TSPAN2: variants seen among roughly 807,000 people sequenced by gnomAD.
TSPAN2 encodes the protein tetraspanin 2, also known as tetraspanin-2.
In TSPAN2, 24 loss-of-function variants were observed where a neutral mutation model predicts 33.3. That is an observed-to-expected ratio of 0.72 (90% confidence interval 0.52 to 1.01). The LOEUF (loss-of-function observed/expected upper bound fraction) is 1.01. Ranked by LOEUF, TSPAN2 falls within the 50% of genes least tolerant of loss-of-function variation. The pLI is 0.00. For missense variants in TSPAN2, 278 were observed against 281.3 expected, an observed-to-expected ratio of 0.99 and a Z score of 0.08; for synonymous variants, 114 against 104.5, an observed-to-expected ratio of 1.09 and a Z score of -0.56.
In TSPAN2 at chr1:115,058,907, C is replaced by G. The variant is rs3738702; in HGVS notation, c.420G>C (p.Gly140=). The G allele has an allele frequency of 0.07, 113,685 of 1,612,928 alleles. 4,747 individuals are homozygous for G. Among genetic ancestry groups the G allele is most frequent in the African/African-American group, 0.18 (13,383 of 74,900 alleles). ...CTGTTGAGTGGAAGGTGATGAGTGT[C>G]CCATTGCCTTTTCCCCTGTCTTTAA... ...DYLKDRGKGN[G]TLITFHSTFQ... Residue 140 remains glycine, a synonymous_variant, in exon 5 of 8, where the codon GGG becomes GGC. Transcript: ENST00000369516.
chr1:115,085,512 T>C (rs1648798973), intron 1 of TSPAN2, among the ~76,000 whole-genome samples: 1 of 152,122 alleles, frequency 6.6e-6, no homozygotes, highest in Non-Finnish European at 1.5e-5. Flanking sequence ...TGGAAGGAAG[T>C]GCTGTCACCC....
chr1:115,068,109 G>A (rs894568550), intron 2 of TSPAN2, among the ~76,000 whole-genome samples: 21 of 152,200 alleles, frequency 1.4e-4, no homozygotes, highest in Non-Finnish European at 7.3e-5. Context: ...CAGAGACTTT[G>A]GAAGGGCCTC....
chr1:115,057,653 G>A (rs377443589), intron 5 of TSPAN2, 45 bp from the exon 6 acceptor site: 5 of 1,591,226 alleles, frequency 3.1e-6, no homozygotes, highest in Non-Finnish European at 4.3e-6. Context: ...GGGAGGAGTA[G>A]CAGCTACAAG....
chr1:115,081,963 A>G (rs1234435761), intron 1 of TSPAN2, among the ~76,000 whole-genome samples: 6 of 152,302 alleles, frequency 3.9e-5, no homozygotes, highest in African/African-American at 1.4e-4. Context: ...TGTGGAAACT[A>G]TGTCTCCTCT....
intron 1 of TSPAN2, among the ~76,000 whole-genome samples, chr1:115,078,559 T>G (rs748384032): frequency 6.6e-6 from 1 of 152,086 alleles, no homozygotes; most frequent in Non-Finnish European, 1.5e-5. Context: ...AGTGCCCTTA[T>G]AAGAAGAGAC....
chr1:115,086,510 A>G (rs1030868374), intron 1 of TSPAN2, among the ~76,000 whole-genome samples: 2 of 152,246 alleles, frequency 1.3e-5, no homozygotes, highest in South Asian at 4.1e-4. Context: ...CTGGCTCCTC[A>G]TCATGACTGT....
At chr1:115,062,336 A>T in intron 2 of TSPAN2, 104 bp from the exon 3 acceptor site, 1 of 819,106 alleles carries the variant, frequency 1.2e-6, no homozygotes, top group Non-Finnish European at 2.0e-6. Flanking sequence ...AATAGTACCA[A>T]AAGGAGGTGC....
chr1:115,073,085 G>T, intron 1 of TSPAN2, 78 bp from the exon 2 acceptor site: 1 of 1,246,052 alleles, frequency 8.0e-7, no homozygotes, highest in Non-Finnish European at 1.2e-6. Flanking sequence ...TCTAGGCACA[G>T]GATGCTGACA....
At chr1:115,069,655 T>G (rs141326122) in intron 2 of TSPAN2, among the ~76,000 whole-genome samples, 2 of 152,348 alleles carry the variant, frequency 1.3e-5, no homozygotes, top group African/African-American at 4.8e-5. Flanking sequence ...CTTTCAAGTA[T>G]GTAAGTCAAT....
chr1:115,059,343 T>G lies in TSPAN2; in HGVS notation c.346-362A>C, dbSNP rs533661903. On this transcript the variant is annotated intron_variant, in intron 4 of 7. Transcript: ENST00000369516. ...TAATTCAGCAACATATGGAGAAGAT[T>G]ATAGTTTCTGGAGTTTCTAAGATGC... Among the ~76,000 whole-genome samples the G allele has an allele frequency of 6.6e-5, 10 of 152,294 alleles. No individual in the cohort carries two copies. The South Asian group carries it at 1.7e-3, about 25-fold the overall frequency.
At chr1:115,083,499 G>A (rs982440450) in intron 1 of TSPAN2, among the ~76,000 whole-genome samples, 1 of 152,214 alleles carries the variant, frequency 6.6e-6, no homozygotes, top group African/African-American at 2.4e-5. Context: ...TCAGAAACAA[G>A]TGCCACTGCT....
In TSPAN2 at chr1:115,050,403, A is replaced by G; in HGVS notation, c.*87T>C. On this transcript the variant is annotated 3_prime_UTR_variant, in exon 8 of 8. Transcript: ENST00000369516. The stretch of plus-strand genomic sequence containing the variant: ...GCAAATTATTTTAGATCCTAATGTC[A>G]TTTCAGTGTTAAAAATGAGCTGGGA... The G allele has an allele frequency of 8.6e-7, 1 of 1,166,602 alleles. No individual in the cohort carries two copies. The highest frequency in any genetic ancestry group is 1.3e-6 in the Non-Finnish European group (1 of 774,760). The allele number at this position is 1,166,602 out of a possible 1,614,324, so 72.3% of individuals were successfully genotyped here.
At chr1:115,073,561 G>T (rs976245343) in intron 1 of TSPAN2, among the ~76,000 whole-genome samples, 1 of 151,846 alleles carries the variant, frequency 6.6e-6, no homozygotes, top group African/African-American at 2.4e-5. Context: ...ATAGAAAGCG[G>T]TTTTAGGGGC....
intron 1 of TSPAN2, among the ~76,000 whole-genome samples, chr1:115,074,934 AC>A (rs1414530584): frequency 6.6e-6 from 1 of 151,892 alleles, no homozygotes; most frequent in Non-Finnish European, 1.5e-5. Flanking sequence ...CTCACAGGCA[AC>A]CCTGCACGCC....
At chr1:115,063,703 C>T (rs886691155) in intron 2 of TSPAN2, among the ~76,000 whole-genome samples, 2 of 152,226 alleles carry the variant, frequency 1.3e-5, no homozygotes, top group African/African-American at 4.8e-5. Flanking sequence ...GGTACATATA[C>T]ACCATGGAAT....
chr1:115,065,509 T>C (rs569263965), intron 2 of TSPAN2, among the ~76,000 whole-genome samples: 22 of 152,362 alleles, frequency 1.4e-4, no homozygotes, highest in African/African-American at 5.3e-4. Flanking sequence ...TCATCATGAA[T>C]AGCTGGCCTT....
chr1:115,072,200 C>T (rs1286361), intron 2 of TSPAN2, among the ~76,000 whole-genome samples: 3 of 151,838 alleles, frequency 2.0e-5, no homozygotes, highest in East Asian at 1.9e-4. Context: ...CACTGCCTTG[C>T]GGGTGGAGGC....
intron 7 of TSPAN2, 105 bp from the exon 8 acceptor site, chr1:115,050,660 A>C: frequency 1.2e-6 from 1 of 817,264 alleles, no homozygotes; most frequent in Non-Finnish European, 2.1e-6. Flanking sequence ...AATAATTATA[A>C]CCAATAATTA....
Position 115,050,458 on chromosome 1 carries a change from C to T in TSPAN2, c.*32G>A. 1.3e-6 allele frequency: 2 copies of T among 1,599,418 alleles called. No individual in the cohort carries two copies. Among genetic ancestry groups the T allele is most frequent in the Non-Finnish European group, 1.7e-6 (2 of 1,166,756 alleles). ...GCTCCTGTGACATTTGGTATGAAAG[C>T]TTTAGATTGCAATTTTCATGTAGAA... On this transcript the variant is annotated 3_prime_UTR_variant, in exon 8 of 8. Transcript: ENST00000369516.
Sources: allele counts gnomAD v4.1 joint callset (sites outside exome capture counted in the v4.1 genomes callset), GRCh38; gene constraint gnomAD v4.1.1; transcripts MANE v1.5; gene names NCBI Gene and HGNC (gene_info 2026-07-23, HGNC 2026-07-21).